RB1CC1: variants seen among roughly 807,000 people sequenced by gnomAD.
The protein encoded by RB1CC1 is RB1-inducible coiled-coil protein 1.
Under a neutral mutation model 177.5 loss-of-function variants are expected in RB1CC1, and 46 were observed. That is an observed-to-expected ratio of 0.26 (90% CI 0.20 to 0.33). The LOEUF is 0.33. Ranked by LOEUF, RB1CC1 falls within the 10% of genes least tolerant of loss-of-function variation. The probability of loss-of-function intolerance (pLI) is 1.00; values close to 1 mark genes in which losing one functional copy is unlikely to be tolerated. For missense variants in RB1CC1, 1,703 were observed against 1,816.3 expected (o/e 0.94, Z 1.13); for synonymous variants, 666 against 613.6 (o/e 1.09, Z -1.26).
intron 1 of RB1CC1, among the ~76,000 whole-genome samples, chr8:52,713,213 C>T (rs1271502989): frequency 6.6e-6 from 1 of 152,170 alleles, no homozygotes; most frequent in Non-Finnish European, 1.5e-5. Flanking sequence ...TAACGTGACT[C>T]TTTATCAACA....
chr8:52,657,109 T>C lies in RB1CC1; in HGVS notation c.2720A>G (p.Gln907Arg), dbSNP rs758252895. 6 of 1,610,676 alleles carry C rather than the reference T, an allele frequency of 3.7e-6. No homozygotes were observed. The highest frequency in any genetic ancestry group is 5.1e-6 in the Non-Finnish European group (6 of 1,178,896). Residue 907 changes from glutamine (Q) to arginine (R), a missense_variant, in exon 15 of 24, where the codon CAA (glutamine) becomes CGA (arginine). Physicochemically the swap from Gln to Arg is conservative, Grantham distance 43. Transcript: ENST00000025008. ...GELVCLEEVL[Q>R]NKDNEFALVK... ...CAAAGCAAATTCATTATCTTTATTT[T>C]GTAAAACCTCCTCAAGGCATACTAA...
intron 20 of RB1CC1, among the ~76,000 whole-genome samples, chr8:52,631,166 T>G (rs192051557): frequency 6.6e-6 from 1 of 152,056 alleles, no homozygotes; most frequent in Non-Finnish European, 1.5e-5. Context: ...GGGGATGGGG[T>G]TGATTTACAA....
rs7018139 is a variant in RB1CC1 at position 52,624,556 on chromosome 8, T to C, written c.4707+161A>G. Reference sequence around the variant, plus strand: ...CTCTACTATCTAAGGGCAGCATGAATACTTATAAATTGCCAGTTCAAACTC... The same window carrying C: ...CTCTACTATCTAAGGGCAGCATGAACACTTATAAATTGCCAGTTCAAACTC... On this transcript the variant is annotated intron_variant, in intron 23 of 23. Transcript: ENST00000025008. 8.0e-4 allele frequency among the ~76,000 whole-genome samples: 121 copies of C among 152,076 alleles called. 1 individual carries two copies. Among genetic ancestry groups the C allele is most frequent in the African/African-American group, 2.8e-3 (115 of 41,544 alleles).
chr8:52,630,460 A>C lies in RB1CC1; in HGVS notation c.4499+10T>G. ...TCACAGAAAAATACTCACAAAACTA[A>C]AATACTTACTCTCTAATAGCTATCT... is the stretch of plus-strand genomic sequence containing the variant. On this transcript the variant is annotated intron_variant, in intron 21 of 23. Coordinates refer to ENST00000025008, the MANE Select transcript of RB1CC1 (RefSeq NM_014781.5). 4 of 1,570,826 alleles carry C rather than the reference A, an allele frequency of 2.5e-6. No homozygotes were observed.
intron 15 of RB1CC1, among the ~76,000 whole-genome samples, chr8:52,650,212 T>G (rs1288363544): frequency 6.6e-5 from 10 of 152,246 alleles, no homozygotes; most frequent in Non-Finnish European, 1.5e-4. Flanking sequence ...AGGTTTCCTC[T>G]GCATGACAGA....
chr8:52,649,787 T>TA (rs1170641540), intron 15 of RB1CC1, among the ~76,000 whole-genome samples: 1 of 152,206 alleles, frequency 6.6e-6, no homozygotes, highest in Non-Finnish European at 1.5e-5. Context: ...GCAAACCACA[T>TA]ACACACGTTC....
Position 52,668,185 on chromosome 8 carries a change from G to T in RB1CC1, c.1009C>A (p.Pro337Thr), listed in dbSNP as rs1481500156. The stretch of plus-strand genomic sequence containing the variant: ...GCTATAAATGGTCGAATAATCCTTG[G>T]ATCAAGCTAAATGACAAGGAAACAC... ...KCFDSMSRLD[P>T]RIIRPFIAEC... is the part of the protein sequence containing the mutation. The change falls in exon 8 of 24, where the codon CCA becomes ACA. Residue 337 changes from proline (P) to threonine (T), a missense_variant. Physicochemically the swap from Pro to Thr is conservative, Grantham distance 38 (BLOSUM62 -1). Around this residue, in one of 6 missense-constraint regions of RB1CC1, gnomAD observed 315 missense variants for 304.9 expected, o/e 1.03. Coordinates refer to ENST00000025008, the MANE Select transcript of RB1CC1 (RefSeq NM_014781.5). 2 of 1,612,850 alleles carry T rather than the reference G, an allele frequency of 1.2e-6. No homozygotes were observed. Among genetic ancestry groups the T allele is most frequent in the African/African-American group, 2.7e-5 (2 of 74,890 alleles).
intron 21 of RB1CC1, among the ~76,000 whole-genome samples, chr8:52,628,760 C>G (rs1848560055): frequency 6.9e-6 from 1 of 144,936 alleles, no homozygotes. Flanking sequence ...TGTCTCTTTA[C>G]AGCCTTTTTC....
Position 52,656,515 on chromosome 8 carries a change from C to T in RB1CC1, c.3314G>A (p.Ser1105Asn). The T allele has an allele frequency of 6.2e-7, 1 of 1,611,512 alleles. No individual in the cohort carries two copies. The highest frequency in any genetic ancestry group is 8.5e-7 in the Non-Finnish European group (1 of 1,179,654). Reference sequence around the variant, plus strand: ...ATCCTGAATCTTTTGGTTGAGTTTACTAATTTCTGTTCTCAAATTTTCTGT... The same window carrying T: ...ATCCTGAATCTTTTGGTTGAGTTTATTAATTTCTGTTCTCAAATTTTCTGT... ...QETENLRTEI[S>N]KLNQKIQDNN... is the part of the protein sequence containing the mutation. Residue 1105 changes from serine (S) to asparagine (N), a missense_variant, in exon 15 of 24, where the codon AGT (serine) becomes AAT (asparagine). Physicochemically the swap from Ser to Asn is conservative, Grantham distance 46. Around this residue, in one of 6 missense-constraint regions of RB1CC1, gnomAD observed 1,169 missense variants for 1,184.7 expected, o/e 0.99. Transcript: ENST00000025008.
intron 8 of RB1CC1, 104 bp downstream of exon 8, chr8:52,667,917 G>A (rs986927579): frequency 7.0e-6 from 8 of 1,135,926 alleles, no homozygotes; most frequent in Non-Finnish European, 9.7e-6. Flanking sequence ...AAATATTCAA[G>A]GAAAAAGTGA....
At chr8:52,709,707 C>T (rs977261238) in intron 1 of RB1CC1, among the ~76,000 whole-genome samples, 2 of 152,190 alleles carry the variant, frequency 1.3e-5, no homozygotes. Context: ...CATTGCCTGT[C>T]GCCTGCCTGG....
chr8:52,654,550 A>G (rs1850914277), intron 15 of RB1CC1, among the ~76,000 whole-genome samples: 1 of 152,182 alleles, frequency 6.6e-6, no homozygotes, highest in African/African-American at 2.4e-5. Context: ...CCAGTGAGCC[A>G]TGGAGAACCA....
At chr8:52,678,397 G>A (rs754925069) in intron 5 of RB1CC1, among the ~76,000 whole-genome samples, 1 of 152,128 alleles carries the variant, frequency 6.6e-6, no homozygotes, top group Non-Finnish European at 1.5e-5. Flanking sequence ...AGCCTGGGTG[G>A]CAAGAGCGAA....
At chr8:52,637,010 A>G (rs1184121656) in intron 18 of RB1CC1, among the ~76,000 whole-genome samples, 2 of 151,800 alleles carry the variant, frequency 1.3e-5, no homozygotes, top group African/African-American at 2.4e-5. Flanking sequence ...AGATTAGTCA[A>G]ACAGTGTGAG....
chr8:52,652,000 A>G (rs533568963), intron 15 of RB1CC1, among the ~76,000 whole-genome samples: 1 of 152,210 alleles, frequency 6.6e-6, no homozygotes, highest in Non-Finnish European at 1.5e-5. Flanking sequence ...ACAAAGAAGA[A>G]TATCGACAAT....
In RB1CC1 at chr8:52,673,872, G is replaced by T; in HGVS notation, c.975C>A (p.Val325=). The T allele has an allele frequency of 3.1e-6, 5 of 1,611,700 alleles. No individual in the cohort carries two copies. The South Asian group carries it at 5.5e-5, about 18-fold the overall frequency. ...TGCTCATAGAATCAAAGCACTTCCT[G>T]ACCAAAGATTCCACATCATTAGGTC... ...QDRPNDVESL[V]RKCFDSMSRL... Residue 325 remains valine (V), a synonymous_variant, in exon 7 of 24, where the codon GTC becomes GTA. Coordinates refer to ENST00000025008, the MANE Select transcript of RB1CC1 (RefSeq NM_014781.5).
At position 52,658,071 on chromosome 8, in the gene RB1CC1, T is replaced by G. The variant is rs1202630031; in HGVS notation, c.1847A>C (p.His616Pro). 1 of 1,614,026 alleles carries G rather than the reference T, an allele frequency of 6.2e-7. No individual in the cohort carries two copies. The highest frequency in any genetic ancestry group is 8.5e-7 in the Non-Finnish European group (1 of 1,179,974). Reference sequence around the variant, plus strand: ...ACTTTGTGCTGCTTTTACCAAATTATGTAGAGCAAGTACATGCTGGTGTAG... The same window carrying G: ...ACTTTGTGCTGCTTTTACCAAATTAGGTAGAGCAAGTACATGCTGGTGTAG... ...EPLHQHVLAL[H>P]NLVKAAQSLD... Residue 616 changes from histidine to proline, a missense_variant, in exon 14 of 24, where the codon CAT becomes CCT. Physicochemically the swap from His to Pro is moderately conservative, Grantham distance 77 (BLOSUM62 -2). Coordinates refer to ENST00000025008, the MANE Select transcript of RB1CC1 (RefSeq NM_014781.5).
At chr8:52,678,728 A>G (rs143374166) in intron 5 of RB1CC1, among the ~76,000 whole-genome samples, 36 of 152,346 alleles carry the variant, frequency 2.4e-4, no homozygotes, top group African/African-American at 8.2e-4. Context: ...GTGAAAAGAA[A>G]TATCTTTACA....
intron 15 of RB1CC1, among the ~76,000 whole-genome samples, chr8:52,653,686 T>A (rs556796115): frequency 6.6e-6 from 1 of 152,214 alleles, no homozygotes; most frequent in East Asian, 1.9e-4. Context: ...ATAACCCTTA[T>A]CGGAAATGCT....
Sources: gnomAD v4.1 joint callset for allele counts (sites outside exome capture counted in the v4.1 genomes callset) on GRCh38, gnomAD v4.1.1 for gene constraint, gnomAD v4.1.1 regional missense constraint, MANE v1.5 for transcripts, NCBI Gene and HGNC (gene_info 2026-07-23, HGNC 2026-07-21) for gene names.